Variants in TRPM3 observed in about 807,000 individuals in gnomAD.
TRPM3 encodes the protein transient receptor potential cation channel subfamily M member 3.
In TRPM3, 77 loss-of-function variants were observed where a neutral mutation model predicts 181.2. The ratio of observed to expected loss-of-function variants is 0.42; its 90% CI spans 0.35 to 0.51. TRPM3 has a LOEUF of 0.51. TRPM3 is among the 20% of genes least tolerant of loss of function. The pLI is 0.01. For missense variants in TRPM3, 1,759 were observed against 2,196.7 expected (o/e 0.80, Z 3.98); for synonymous variants, 745 against 796.4 (o/e 0.94, Z 1.09).
intron 1 of TRPM3, among the ~76,000 whole-genome samples, chr9:71,342,939 CCTATTA>C (rs1181293805): frequency 2.0e-5 from 3 of 151,940 alleles, no homozygotes; most frequent in Non-Finnish European, 1.5e-5. Flanking sequence ...TCCTTTAATG[CCTATTA>C]CTAAGTCTAT....
At chr9:71,274,337 T>C (rs1309968208) in intron 1 of TRPM3, among the ~76,000 whole-genome samples, 1 of 152,212 alleles carries the variant, frequency 6.6e-6, no homozygotes, top group Non-Finnish European at 1.5e-5. Flanking sequence ...TTTTACTGGG[T>C]AAGACTTAAG....
chr9:71,262,097 C>T (rs898163935), intron 1 of TRPM3, among the ~76,000 whole-genome samples: 5 of 152,184 alleles, frequency 3.3e-5, no homozygotes, highest in Non-Finnish European at 4.4e-5. Flanking sequence ...GCTGAAGCTG[C>T]GCCCACAGCT....
At chr9:71,052,002 C>A (rs188469968) in intron 1 of TRPM3, among the ~76,000 whole-genome samples, 4 of 151,880 alleles carry the variant, frequency 2.6e-5, no homozygotes, top group Non-Finnish European at 5.9e-5. Flanking sequence ...GTTAAGGGGA[C>A]CTTTGTACAT....
At chr9:70,592,575 T>C (rs1006722621) in intron 21 of TRPM3, among the ~76,000 whole-genome samples, 14 of 152,182 alleles carry the variant, frequency 9.2e-5, no homozygotes, top group Non-Finnish European at 1.8e-4. Context: ...TAGTTGGAGA[T>C]TGGTTTCTAT....
At chr9:71,346,598 T>C (rs2091308520) in intron 1 of TRPM3, among the ~76,000 whole-genome samples, 1 of 152,158 alleles carries the variant, frequency 6.6e-6, no homozygotes, top group South Asian at 2.1e-4. Flanking sequence ...GAGGTGCCTT[T>C]GGGAAAGAGG....
chr9:70,750,894 A>G (rs547625006), intron 8 of TRPM3, among the ~76,000 whole-genome samples: 17 of 152,152 alleles, frequency 1.1e-4, no homozygotes, highest in African/African-American at 4.1e-4. Context: ...AGATTGAGAG[A>G]GCAAGGTTAA....
At chr9:71,249,773 A>T (rs1473272482) in intron 1 of TRPM3, among the ~76,000 whole-genome samples, 1 of 152,216 alleles carries the variant, frequency 6.6e-6, no homozygotes, top group Non-Finnish European at 1.5e-5. Context: ...TCATAGTGGG[A>T]ATCTACGAGA....
At position 71,073,608 on chromosome 9, in the gene TRPM3, A is replaced by G. The variant is rs1022327976; in HGVS notation, c.177+47570T>C. 3.9e-5 allele frequency among the ~76,000 whole-genome samples: 6 copies of G among 152,114 alleles called. 1 individual carries two copies. The South Asian group carries it at 1.2e-3, about 32-fold the overall frequency. On this transcript the variant is annotated intron_variant, in intron 1 of 25. Coordinates refer to ENST00000677713, the MANE Select transcript of TRPM3 (RefSeq NM_001366145.2). ...TCTTGAGTAAGAAAAGCAAGCTACAATATTCCTCCCTGTTCCATTCCATAG... is the reference window on the plus strand; with the variant it reads ...TCTTGAGTAAGAAAAGCAAGCTACAGTATTCCTCCCTGTTCCATTCCATAG...
Position 70,828,052 on chromosome 9 carries a change from G to A in TRPM3, c.802-34C>T, listed in dbSNP as rs1171899974. The A allele has an allele frequency of 1.5e-5, 23 of 1,573,590 alleles. No homozygotes were observed. In the Admixed American group the frequency reaches 2.0e-4, roughly 14 times the overall value. On this transcript the variant is annotated intron_variant, in intron 5 of 25. Coordinates refer to ENST00000677713, the MANE Select transcript of TRPM3 (RefSeq NM_001366145.2). Reference sequence around the variant, plus strand: ...TATCAAATGGAAGAGGCAGAAGTCAGAAAAAAAGAACACAAGATATGAAAA... The same window carrying A: ...TATCAAATGGAAGAGGCAGAAGTCAAAAAAAAAGAACACAAGATATGAAAA...
At chr9:71,371,483 G>A (rs1472093805) in intron 1 of TRPM3, among the ~76,000 whole-genome samples, 1 of 152,190 alleles carries the variant, frequency 6.6e-6, no homozygotes, top group Non-Finnish European at 1.5e-5. Flanking sequence ...TACAGATGTA[G>A]TAGAACAGCA....
chr9:70,543,180 T>C (rs998363741), intron 25 of TRPM3, among the ~76,000 whole-genome samples: 2 of 152,178 alleles, frequency 1.3e-5, no homozygotes, highest in South Asian at 2.1e-4. Flanking sequence ...AAGTTGAACA[T>C]ACTATTTTTT....
intron 1 of TRPM3, among the ~76,000 whole-genome samples, chr9:71,010,745 T>C (rs961350020): frequency 3.3e-5 from 5 of 152,230 alleles, no homozygotes; most frequent in Non-Finnish European, 5.9e-5. Flanking sequence ...AAAATAGAAC[T>C]ACCATATGAT....
chr9:70,692,791 C>T (rs950978828), intron 8 of TRPM3, among the ~76,000 whole-genome samples: 1 of 152,178 alleles, frequency 6.6e-6, no homozygotes, highest in Non-Finnish European at 1.5e-5. Context: ...TTGAATGCTG[C>T]ATATGGCTTA....
chr9:71,161,418 T>TA (rs1416545144), intron 1 of TRPM3, among the ~76,000 whole-genome samples: 3 of 152,166 alleles, frequency 2.0e-5, no homozygotes, highest in African/African-American at 7.2e-5. Flanking sequence ...TGAGTATGTG[T>TA]ATTTTCCTTG....
chr9:71,121,083 C>A (rs991491764), intron 1 of TRPM3, 95 bp downstream of exon 1: 7 of 1,272,350 alleles, frequency 5.5e-6, no homozygotes, highest in Non-Finnish European at 7.7e-6. Context: ...TGCATTTAGG[C>A]TCCCCCAAAG....
At chr9:70,976,042 T>C (rs920751913) in intron 1 of TRPM3, among the ~76,000 whole-genome samples, 3 of 152,098 alleles carry the variant, frequency 2.0e-5, no homozygotes, top group African/African-American at 7.2e-5. Flanking sequence ...TCATGGGTAA[T>C]CTCATTTAAT....
At chr9:70,915,402 A>C (rs2096582201) in intron 1 of TRPM3, among the ~76,000 whole-genome samples, 1 of 151,058 alleles carries the variant, frequency 6.6e-6, no homozygotes, top group African/African-American at 2.4e-5. Flanking sequence ...GGTTCCCACC[A>C]TTCTCCTGCC....
At chr9:71,249,021 G>A (rs770007674) in intron 1 of TRPM3, among the ~76,000 whole-genome samples, 2 of 152,132 alleles carry the variant, frequency 1.3e-5, no homozygotes, top group Non-Finnish European at 2.9e-5. Context: ...AATGAAAAAA[G>A]TGTTTCATCT....
At chr9:71,148,310 A>G (rs2075545154) in intron 1 of TRPM3, among the ~76,000 whole-genome samples, 1 of 152,198 alleles carries the variant, frequency 6.6e-6, no homozygotes, top group East Asian at 1.9e-4. Flanking sequence ...TTTTTAAAAC[A>G]AATCATACAT....
Sources: gnomAD v4.1 joint callset for allele counts (sites outside exome capture counted in the v4.1 genomes callset) on GRCh38, gnomAD v4.1.1 for gene constraint, MANE v1.5 for transcripts, NCBI Gene and HGNC (gene_info 2026-07-23, HGNC 2026-07-21) for gene names.